DZIP3: variants seen among roughly 807,000 people sequenced by gnomAD.
DZIP3 encodes the protein DAZ interacting zinc finger protein 3, also known as E3 ubiquitin-protein ligase DZIP3.
In DZIP3, 118 loss-of-function variants were observed where a neutral mutation model predicts 162.0. The observed-to-expected ratio is 0.73, with a 90% CI of 0.63 to 0.85. The LOEUF (loss-of-function observed/expected upper bound fraction) is 0.85. Among genes scored for constraint, DZIP3 ranks in the 40% least tolerant of loss-of-function variants. The probability of loss-of-function intolerance (pLI) is 0.00; values close to 1 mark genes in which losing one functional copy is unlikely to be tolerated. For missense variants in DZIP3, 1,331 were observed against 1,407.0 expected, an observed-to-expected ratio of 0.95 and a Z score of 0.86; for synonymous variants, 438 against 458.6, an observed-to-expected ratio of 0.96 and a Z score of 0.57.
At position 108,688,135 on chromosome 3, in the gene DZIP3, G is replaced by A. The variant is rs946739623; in HGVS notation, c.3270+39G>A. 18 of 1,608,546 alleles carry A rather than the reference G, an allele frequency of 1.1e-5. No homozygotes were observed. In the Admixed American group the frequency reaches 2.9e-4, roughly 26 times the overall value. ...ACAACCAAAAAACCTGTATCTCTCT[G>A]CCCTTAACTCTAGTAGTTAACTGTT... On this transcript the variant is annotated intron_variant, in intron 29 of 32. Transcript: ENST00000361582.
At chr3:108,613,816 A>G (rs55943732) in intron 4 of DZIP3, among the ~76,000 whole-genome samples, 21,645 of 152,206 alleles carry the variant, frequency 0.14, 1,683 homozygotes, top group South Asian at 0.27. Flanking sequence ...CAGTTAATCT[A>G]GAAATCAATA....
At chr3:108,689,427 T>G (rs1046439863) in intron 31 of DZIP3, among the ~76,000 whole-genome samples, 2 of 152,196 alleles carry the variant, frequency 1.3e-5, no homozygotes, top group Admixed American at 1.3e-4. Context: ...CTCACACCTG[T>G]AATCCCAGCA....
intron 24 of DZIP3, 67 bp downstream of exon 24, chr3:108,674,248 A>G: frequency 1.5e-6 from 2 of 1,347,292 alleles, no homozygotes; most frequent in Non-Finnish European, 1.1e-6. Flanking sequence ...CCACGGTTGA[A>G]TATAATCTGT....
At chr3:108,650,012 A>C (rs1942792298) in intron 17 of DZIP3, among the ~76,000 whole-genome samples, 1 of 151,848 alleles carries the variant, frequency 6.6e-6, no homozygotes, top group South Asian at 2.1e-4. Context: ...TTGGTAAGTC[A>C]TGGGTCTAAT....
Position 108,675,790 on chromosome 3 carries a change from C to G in DZIP3, c.2698C>G (p.Leu900Val), listed in dbSNP as rs913242837. Reference protein sequence around the residue: ...ARVTHMAASNLESLQLKAAVD... With the variant: ...ARVTHMAASNVESLQLKAAVD... The stretch of plus-strand genomic sequence containing the variant: ...GTGTCTCCTTTTCTACAACAGCAAC[C>G]TAGAATCACTTCAATTAAAGGCTGC... Residue 900 changes from leucine (L) to valine (V), a missense_variant, in exon 25 of 33, where the codon CTA becomes GTA. Coordinates refer to ENST00000361582, the MANE Select transcript of DZIP3 (RefSeq NM_014648.4). 1 of 1,603,494 alleles carries G rather than the reference C, an allele frequency of 6.2e-7. No homozygotes were observed. Among genetic ancestry groups the G allele is most frequent in the Admixed American group, 1.7e-5 (1 of 57,566 alleles).
intron 5 of DZIP3, among the ~76,000 whole-genome samples, chr3:108,620,283 C>A (rs139155179): frequency 8.5e-5 from 13 of 152,268 alleles, no homozygotes; most frequent in South Asian, 2.1e-4. Context: ...TGCTGCCTGG[C>A]ATGTATCAAA....
rs768562620 is a variant in DZIP3, at chr3:108,647,980, A to G, written c.1830A>G (p.Glu610=). ...EIEELQNEEE[E]LSPPLMEYNI... ...AAGAGTTACAGAATGAGGAAGAAGA[A>G]CTAAGTCCACCTCTCATGGAGTACA... Residue 610 remains glutamate (E), a synonymous_variant, in exon 16 of 33, where the codon GAA becomes GAG. Coordinates refer to ENST00000361582, the MANE Select transcript of DZIP3 (RefSeq NM_014648.4). 1.9e-6 allele frequency: 3 copies of G among 1,589,198 alleles called. No homozygotes were observed. Among genetic ancestry groups the G allele is most frequent in the Non-Finnish European group, 2.6e-6 (3 of 1,171,740 alleles).
chr3:108,623,992 G>A (rs536342557), intron 5 of DZIP3, among the ~76,000 whole-genome samples: 12 of 152,334 alleles, frequency 7.9e-5, no homozygotes, highest in South Asian at 2.1e-4. Flanking sequence ...TCAGGGGATG[G>A]AGGAAGGGAT....
Position 108,624,440 on chromosome 3 carries a change from G to C in DZIP3, c.376-4G>C. ...AACCAATTAACATATTTTTTTCTTT[G>C]TAGGCACACCAGATTAATATTGGTT... On this transcript the variant is annotated splice_region_variant and splice_polypyrimidine_tract_variant and intron_variant, in intron 5 of 32. Transcript: ENST00000361582. The C allele has an allele frequency of 6.4e-7, 1 of 1,558,068 alleles. No individual in the cohort carries two copies. The highest frequency in any genetic ancestry group is 8.8e-7 in the Non-Finnish European group (1 of 1,136,528).
At chr3:108,644,873 T>C (rs1942556911) in intron 14 of DZIP3, 92 bp downstream of exon 14, 1 of 1,248,056 alleles carries the variant, frequency 8.0e-7, no homozygotes, top group East Asian at 2.4e-5. Context: ...AGAGATTCAG[T>C]GAGCTCATGG....
At chr3:108,656,685 A>C (rs1486332839) in intron 19 of DZIP3, among the ~76,000 whole-genome samples, 1 of 152,190 alleles carries the variant, frequency 6.6e-6, no homozygotes, top group East Asian at 1.9e-4. Context: ...AGACGATCAA[A>C]CTACTCCGAG....
At chr3:108,666,150 GAA>G (rs773026623) in intron 21 of DZIP3, among the ~76,000 whole-genome samples, 1 of 151,930 alleles carries the variant, frequency 6.6e-6, no homozygotes, top group Non-Finnish European at 1.5e-5. Flanking sequence ...AATGTATGTA[GAA>G]GAAACACCAG....
chr3:108,628,058 T>C (rs142161860), intron 7 of DZIP3, among the ~76,000 whole-genome samples: 320 of 152,274 alleles, frequency 2.1e-3, no homozygotes, highest in Non-Finnish European at 2.7e-3. Context: ...TTTGTATTTT[T>C]AGTAGAGATG....
rs1576478223 is a variant in DZIP3, at chr3:108,689,356, T to G, written c.3516+432T>G. 2.0e-5 allele frequency among the ~76,000 whole-genome samples: 3 copies of G among 152,168 alleles called. No individual in the cohort carries two copies. In the East Asian group the frequency reaches 5.8e-4, roughly 29 times the overall value. On this transcript the variant is annotated intron_variant, in intron 31 of 32. Transcript: ENST00000361582. ...TTATCAGTCTCTTCAGGCTTCTATATTTGCTTTTGAAAGATACTCAGGCTT... is the reference window on the plus strand; with the variant it reads ...TTATCAGTCTCTTCAGGCTTCTATAGTTGCTTTTGAAAGATACTCAGGCTT...
intron 21 of DZIP3, among the ~76,000 whole-genome samples, chr3:108,662,723 C>A (rs946656652): frequency 6.6e-6 from 1 of 152,152 alleles, no homozygotes; most frequent in Non-Finnish European, 1.5e-5. Flanking sequence ...CTCTTTCCCC[C>A]CTTACCCCAA....
At chr3:108,660,861 G>T (rs1204130855) in intron 19 of DZIP3, among the ~76,000 whole-genome samples, 1 of 152,200 alleles carries the variant, frequency 6.6e-6, no homozygotes, top group Admixed American at 6.5e-5. Flanking sequence ...ACACATATAT[G>T]CAGCCAAAAG....
chr3:108,596,316 A>G (rs1263498977), intron 1 of DZIP3, among the ~76,000 whole-genome samples: 1 of 152,250 alleles, frequency 6.6e-6, no homozygotes, highest in Non-Finnish European at 1.5e-5. Context: ...GATGTTAGAC[A>G]TCCAGGAGAG....
chr3:108,689,165 T>G (rs1022477077), intron 31 of DZIP3, among the ~76,000 whole-genome samples: 1 of 152,200 alleles, frequency 6.6e-6, no homozygotes, highest in Non-Finnish European at 1.5e-5. Flanking sequence ...AGTCAGATGG[T>G]ACACAGTAGG....
intron 6 of DZIP3, among the ~76,000 whole-genome samples, 179 bp from the exon 7 acceptor site, chr3:108,625,666 C>A (rs1448124434): frequency 2.0e-5 from 3 of 152,042 alleles, no homozygotes; most frequent in Non-Finnish European, 2.9e-5. Flanking sequence ...TAAACACTGA[C>A]TACATGATCT....
Sources: gnomAD v4.1 joint callset for allele counts (sites outside exome capture counted in the v4.1 genomes callset) on GRCh38, gnomAD v4.1.1 for gene constraint, MANE v1.5 for transcripts, NCBI Gene and HGNC (gene_info 2026-07-23, HGNC 2026-07-21) for gene names.